The following PLCL1 variants were observed in gnomAD, a reference collection of about 807,000 sequenced individuals.
PLCL1 encodes the protein inactive phospholipase C-like protein 1.
In PLCL1, 41 loss-of-function variants were observed where a neutral mutation model predicts 84.4. The ratio of observed to expected loss-of-function variants is 0.49; its 90% CI spans 0.38 to 0.63. PLCL1 has a LOEUF of 0.63. Among genes scored for constraint, PLCL1 ranks in the 30% least tolerant of loss-of-function variants. The pLI is 0.00. For missense variants in PLCL1, 1,206 were observed against 1,367.8 expected (o/e 0.88, Z 1.87); for synonymous variants, 490 against 488.3 (o/e 1.00, Z -0.05).
At chr2:197,963,942 A>C (rs1280732277) in intron 1 of PLCL1, among the ~76,000 whole-genome samples, 3 of 151,986 alleles carry the variant, frequency 2.0e-5, no homozygotes, top group Non-Finnish European at 4.4e-5. Context: ...CTGTTCCATT[A>C]GTCTATGTAT....
chr2:197,857,694 A>T (rs555937961), intron 1 of PLCL1, among the ~76,000 whole-genome samples: 71 of 152,250 alleles, frequency 4.7e-4, no homozygotes, highest in African/African-American at 1.7e-3. Context: ...GATTAATTAC[A>T]AGTTATTAAA....
chr2:198,100,179 G>T (rs548340891), intron 3 of PLCL1, among the ~76,000 whole-genome samples: 2 of 152,230 alleles, frequency 1.3e-5, no homozygotes, highest in South Asian at 2.1e-4. Flanking sequence ...AAGTGATTAT[G>T]TAAATGGATG....
intron 5 of PLCL1, 48 bp from the exon 6 acceptor site, chr2:198,146,732 C>G (rs1313550127): frequency 1.3e-6 from 2 of 1,508,392 alleles, no homozygotes; most frequent in South Asian, 2.4e-5. Context: ...TCAGCACATG[C>G]CTGGCCCATA....
At chr2:198,012,501 T>C (rs1009459943) in intron 1 of PLCL1, among the ~76,000 whole-genome samples, 14 of 152,136 alleles carry the variant, frequency 9.2e-5, no homozygotes, top group Non-Finnish European at 1.5e-5. Context: ...GATCTTATTT[T>C]TTTAAGTCCT....
chr2:197,989,533 A>G (rs1690293143), intron 1 of PLCL1, among the ~76,000 whole-genome samples: 2 of 152,134 alleles, frequency 1.3e-5, no homozygotes, highest in South Asian at 4.1e-4. Context: ...GATGGTTTCC[A>G]AAACTGACCA....
At position 198,085,939 on chromosome 2, in the gene PLCL1, T is replaced by C; in HGVS notation, c.2422T>C (p.Phe808Leu). 1 of 1,613,990 alleles carries C rather than the reference T, an allele frequency of 6.2e-7. No homozygotes were observed. Among genetic ancestry groups the C allele is most frequent in the Non-Finnish European group, 8.5e-7 (1 of 1,179,956 alleles). The stretch of plus-strand genomic sequence containing the variant: ...GGATGATGACTACATTGGGGATGAG[T>C]TTATAGGGCAATATACGATACCATT... ...VLDDDYIGDEFIGQYTIPFEC... is the reference protein window; with the variant it reads ...VLDDDYIGDELIGQYTIPFEC... Residue 808 changes from phenylalanine to leucine, a missense_variant, in exon 2 of 6, where the codon TTT becomes CTT. Coordinates refer to ENST00000428675, the MANE Select transcript of PLCL1 (RefSeq NM_006226.4). The surrounding 1 kb of genome is among the most constrained non-coding windows in gnomAD (Gnocchi z 5.3).
chr2:198,094,502 C>T (rs978202601), intron 3 of PLCL1, among the ~76,000 whole-genome samples: 1 of 133,940 alleles, frequency 7.5e-6, no homozygotes, highest in African/African-American at 2.6e-5. Context: ...GGAAGGCACA[C>T]TCTCCCCTGT....
intron 1 of PLCL1, among the ~76,000 whole-genome samples, chr2:197,979,370 G>A (rs1690056083): frequency 6.6e-6 from 1 of 152,126 alleles, no homozygotes; most frequent in South Asian, 2.1e-4. Context: ...TAACTTTGAG[G>A]TACCCAGTTG....
At chr2:198,004,287 G>A (rs1295340190) in intron 1 of PLCL1, among the ~76,000 whole-genome samples, 1 of 152,164 alleles carries the variant, frequency 6.6e-6, no homozygotes, top group Non-Finnish European at 1.5e-5. Flanking sequence ...ATTGAGAAGA[G>A]TTACAGGGAA....
At chr2:197,962,937 T>C (rs1689652714) in intron 1 of PLCL1, among the ~76,000 whole-genome samples, 1 of 152,100 alleles carries the variant, frequency 6.6e-6, no homozygotes, top group Non-Finnish European at 1.5e-5. Context: ...TAGTACTTGA[T>C]TGTGTATATG....
chr2:197,958,624 C>T (rs142994612), intron 1 of PLCL1, among the ~76,000 whole-genome samples: 18 of 152,186 alleles, frequency 1.2e-4, no homozygotes, highest in African/African-American at 4.3e-4. Context: ...CTGATGGTCA[C>T]TATAAATGTC....
chr2:198,026,424 GGA>G (rs1361806675), intron 1 of PLCL1, among the ~76,000 whole-genome samples: 6 of 152,072 alleles, frequency 3.9e-5, no homozygotes, highest in East Asian at 1.9e-4. Flanking sequence ...TTAATTGGAG[GGA>G]GAGAGAGAAT....
At chr2:197,991,003 A>G (rs774137178) in intron 1 of PLCL1, among the ~76,000 whole-genome samples, 1 of 152,140 alleles carries the variant, frequency 6.6e-6, no homozygotes, top group Non-Finnish European at 1.5e-5. Context: ...TTTACGGTCA[A>G]TTTGAGTGGG....
intron 1 of PLCL1, among the ~76,000 whole-genome samples, chr2:197,943,390 T>G (rs2105776393): frequency 6.6e-6 from 1 of 152,180 alleles, no homozygotes; most frequent in Middle Eastern, 3.4e-3. Flanking sequence ...CTTCACTCTC[T>G]TCTCCCATTG....
intron 5 of PLCL1, among the ~76,000 whole-genome samples, chr2:198,138,008 T>C (rs1201751421): frequency 2.0e-5 from 3 of 152,224 alleles, no homozygotes; most frequent in African/African-American, 4.8e-5. Context: ...ACAGGAATAT[T>C]TGATGTCATG....
At chr2:198,100,658 G>A (rs1451369880) in intron 3 of PLCL1, among the ~76,000 whole-genome samples, 1 of 152,058 alleles carries the variant, frequency 6.6e-6, no homozygotes, top group Non-Finnish European at 1.5e-5. Flanking sequence ...CTGTAGTTTT[G>A]GATGATGATT....
intron 1 of PLCL1, among the ~76,000 whole-genome samples, chr2:197,840,070 C>T (rs555561207): frequency 1.3e-5 from 2 of 152,256 alleles, no homozygotes; most frequent in South Asian, 4.1e-4. Context: ...AGTGCAAGGT[C>T]ATCTCTAAAT....
intron 1 of PLCL1, among the ~76,000 whole-genome samples, chr2:197,900,816 C>A (rs1688248777): frequency 1.3e-5 from 2 of 152,170 alleles, no homozygotes; most frequent in African/African-American, 4.8e-5. Flanking sequence ...AATCTAAGGG[C>A]TTTTCTGGAG....
rs192227826 is a variant in PLCL1, at chr2:198,017,379, G to A, written c.241-66379G>A. 1.8e-4 allele frequency among the ~76,000 whole-genome samples: 28 copies of A among 152,328 alleles called. No individual in the cohort carries two copies. In the East Asian group the frequency reaches 5.4e-3, roughly 29 times the overall value. On this transcript the variant is annotated intron_variant, in intron 1 of 5. Coordinates refer to ENST00000428675, the MANE Select transcript of PLCL1 (RefSeq NM_006226.4). ...AGACTCAGGTTGGCTGAATAAGAAG[G>A]ATGACAGTGCCTTTGTCCAGTTAAA...
Sources: allele counts gnomAD v4.1 joint callset (sites outside exome capture counted in the v4.1 genomes callset), GRCh38; gene constraint gnomAD v4.1.1; non-coding constraint Gnocchi (gnomAD v3.1); transcripts MANE v1.5; gene names NCBI Gene and HGNC (gene_info 2026-07-23, HGNC 2026-07-21).